The following WRN variants were observed in gnomAD, a reference collection of about 807,000 sequenced individuals.
WRN encodes WRN RecQ like helicase.
WRN carries 149 observed loss-of-function variants against 180.7 expected under a neutral mutation model. The ratio of observed to expected loss-of-function variants is 0.82; its 90% CI spans 0.72 to 0.94. WRN has a LOEUF of 0.94. Among genes scored for constraint, WRN ranks in the 40% least tolerant of loss-of-function variants. WRN has a pLI of 0.00. For synonymous variants in WRN, 548 were observed against 568.9 expected, an observed-to-expected ratio of 0.96 and a Z score of 0.52; for missense variants, 1,661 against 1,700.1, an observed-to-expected ratio of 0.98 and a Z score of 0.40.
chr8:31,062,930 G>C (rs1436575064), intron 3 of WRN, among the ~76,000 whole-genome samples: 1 of 151,806 alleles, frequency 6.6e-6, no homozygotes, highest in African/African-American at 2.4e-5. Context: ...TTATGGGCTC[G>C]AGTGATCCTT....
intron 33 of WRN, among the ~76,000 whole-genome samples, chr8:31,166,658 T>G (rs1803874203): frequency 6.6e-6 from 1 of 152,186 alleles, no homozygotes; most frequent in Non-Finnish European, 1.5e-5. Flanking sequence ...ATAAATTATT[T>G]TAAGAGAAAA....
At chr8:31,056,481 C>G (rs979423154) in intron 1 of WRN, among the ~76,000 whole-genome samples, 2 of 152,092 alleles carry the variant, frequency 1.3e-5, no homozygotes, top group Admixed American at 6.5e-5. Context: ...CTACATATGA[C>G]GCATGTGGCA....
intron 28 of WRN, among the ~76,000 whole-genome samples, chr8:31,143,980 T>C (rs1802763174): frequency 6.6e-6 from 1 of 152,214 alleles, no homozygotes; most frequent in Admixed American, 6.5e-5. Flanking sequence ...AGCATACAGC[T>C]AATGGCCGAG....
At chr8:31,050,188 C>G (rs1008872539) in intron 1 of WRN, among the ~76,000 whole-genome samples, 2 of 151,826 alleles carry the variant, frequency 1.3e-5, no homozygotes, top group Non-Finnish European at 2.9e-5. Flanking sequence ...CAGAGAGATG[C>G]AAAGATAAAT....
rs564093090 is a variant in WRN, at chr8:31,099,383, AAAGG to A, written c.1982-1435_1982-1432del. 3.2e-3 allele frequency among the ~76,000 whole-genome samples: 473 copies of A among 147,246 alleles called. 2 individuals carry two copies. Among genetic ancestry groups the A allele is most frequent in the African/African-American group, 9.9e-3 (388 of 39,262 alleles). ...TGCGCCACTGCACTTTAGCCTAAGA[AAAGG>A]AAGGAAGGAAGGAAGGAAGGAAGGA... On this transcript the variant is annotated intron_variant, in intron 17 of 34. Transcript: ENST00000298139.
chr8:31,061,570 A>G (rs1283255813), intron 3 of WRN, among the ~76,000 whole-genome samples: 1 of 150,096 alleles, frequency 6.7e-6, no homozygotes, highest in Non-Finnish European at 1.5e-5. Context: ...ACTTTGTGGA[A>G]TGTTAGATTT....
intron 22 of WRN, 88 bp from the exon 23 acceptor site, chr8:31,124,820 A>G: frequency 7.5e-7 from 1 of 1,341,390 alleles, no homozygotes; most frequent in Middle Eastern, 2.3e-4. Flanking sequence ...GAATCAATTA[A>G]TGGTGATTTT....
intron 33 of WRN, among the ~76,000 whole-genome samples, chr8:31,158,310 C>T (rs529602362): frequency 3.3e-5 from 5 of 152,142 alleles, no homozygotes; most frequent in South Asian, 4.1e-4. Flanking sequence ...TGGGCCGCTA[C>T]GTAGAAGGAT....
intron 17 of WRN, among the ~76,000 whole-genome samples, chr8:31,097,314 T>TA (rs1012022978): frequency 1.6e-4 from 25 of 151,840 alleles, no homozygotes; most frequent in African/African-American, 6.0e-4. Context: ...TTTCAAACTT[T>TA]AAAAAAAATG....
At chr8:31,064,218 A>AT in intron 3 of WRN, 71 bp from the exon 4 acceptor site, 2 of 1,580,788 alleles carry the variant, frequency 1.3e-6, no homozygotes, top group South Asian at 2.2e-5. Context: ...TAATTTTTGA[A>AT]TTATGTCTTT....
chr8:31,069,554 G>A (rs1010250649), intron 7 of WRN, among the ~76,000 whole-genome samples: 11 of 152,192 alleles, frequency 7.2e-5, no homozygotes, highest in African/African-American at 2.7e-4. Context: ...GAAGTGATGC[G>A]TAGGCATTTT....
chr8:31,087,308 T>TTTG (rs1813570716), intron 11 of WRN, among the ~76,000 whole-genome samples: 1 of 152,234 alleles, frequency 6.6e-6, no homozygotes, highest in Non-Finnish European at 1.5e-5. Context: ...ATTTGAATCT[T>TTTG]TTGTTGTTTT....
At chr8:31,045,151 C>T (rs531745596) in intron 1 of WRN, among the ~76,000 whole-genome samples, 3 of 152,112 alleles carry the variant, frequency 2.0e-5, no homozygotes, top group Non-Finnish European at 2.9e-5. Flanking sequence ...TCTCCTTCAT[C>T]GTATGTCAAA....
intron 7 of WRN, among the ~76,000 whole-genome samples, chr8:31,070,542 G>T (rs1177171537): frequency 1.3e-5 from 2 of 151,996 alleles, no homozygotes; most frequent in Non-Finnish European, 2.9e-5. Context: ...AACAAGCCAG[G>T]CATACTCTGT....
intron 1 of WRN, among the ~76,000 whole-genome samples, chr8:31,048,911 C>G (rs1030047593): frequency 1.3e-5 from 2 of 152,078 alleles, no homozygotes; most frequent in African/African-American, 4.8e-5. Context: ...TTCTTTTCCA[C>G]ACACATGAAA....
intron 1 of WRN, among the ~76,000 whole-genome samples, chr8:31,046,074 G>A (rs541569340): frequency 1.3e-5 from 2 of 152,072 alleles, no homozygotes; most frequent in Admixed American, 6.5e-5. Flanking sequence ...ACTGATTTTG[G>A]ATATAAATTT....
chr8:31,132,858 T>C (rs576228001), intron 24 of WRN, among the ~76,000 whole-genome samples: 1 of 152,300 alleles, frequency 6.6e-6, no homozygotes, highest in African/African-American at 2.4e-5. Context: ...TAGAACAAAA[T>C]TGTCCTTTTG....
chr8:31,090,969 A>G (rs770181786), intron 15 of WRN, 27 bp downstream of exon 15: 1 of 1,537,596 alleles, frequency 6.5e-7, no homozygotes, highest in Admixed American at 1.7e-5. Context: ...TTGCCACAAT[A>G]TCACCCTCTT....
intron 32 of WRN, among the ~76,000 whole-genome samples, chr8:31,155,696 T>G (rs1256678164): frequency 6.6e-6 from 1 of 151,896 alleles, no homozygotes; most frequent in Admixed American, 6.6e-5. Context: ...GCTGTTGAGG[T>G]TTTTTGTATA....
Sources: allele counts gnomAD v4.1 joint callset (sites outside exome capture counted in the v4.1 genomes callset), GRCh38; gene constraint gnomAD v4.1.1; transcripts MANE v1.5; gene names NCBI Gene and HGNC (gene_info 2026-07-23, HGNC 2026-07-21).